SYN3: variants seen among roughly 807,000 people sequenced by gnomAD.
The protein encoded by SYN3 is synapsin III, also known as synapsin-3.
A neutral mutation model predicts 65.8 loss-of-function variants in SYN3; 35 were observed. That is an observed-to-expected ratio of 0.53 (90% CI 0.41 to 0.70). The LOEUF is 0.70. Ranked by LOEUF, SYN3 falls within the 30% of genes least tolerant of loss-of-function variation. The pLI is 0.00. For synonymous variants in SYN3, 270 were observed against 292.9 expected (o/e 0.92, Z 0.80); for missense variants, 680 against 749.0 (o/e 0.91, Z 1.08).
chr22:32,907,424 T>C (rs2049931107), intron 4 of SYN3, among the ~76,000 whole-genome samples: 1 of 152,136 alleles, frequency 6.6e-6, no homozygotes, highest in South Asian at 2.1e-4. Flanking sequence ...GAAGACTCAC[T>C]CTGTGCTAGG....
At chr22:32,576,548 C>T (rs1186751471) in intron 7 of SYN3, among the ~76,000 whole-genome samples, 1 of 152,124 alleles carries the variant, frequency 6.6e-6, no homozygotes, top group East Asian at 1.9e-4. Context: ...ATGTTAAAAC[C>T]TGAACCCATT....
intron 4 of SYN3, among the ~76,000 whole-genome samples, chr22:32,921,547 C>G (rs996955361): frequency 6.6e-6 from 1 of 152,064 alleles, no homozygotes; most frequent in African/African-American, 2.4e-5. Context: ...GACAAAGATT[C>G]GAAGACACTT....
chr22:32,842,582 A>G (rs1330248377), intron 6 of SYN3, among the ~76,000 whole-genome samples: 1 of 152,198 alleles, frequency 6.6e-6, no homozygotes, highest in Non-Finnish European at 1.5e-5. Context: ...ACCATCAGCA[A>G]TATAACAGTG....
chr22:33,020,914 T>C (rs891911876), intron 1 of SYN3, among the ~76,000 whole-genome samples: 3 of 152,204 alleles, frequency 2.0e-5, no homozygotes, highest in Non-Finnish European at 2.9e-5. Context: ...AGTTTTCTTA[T>C]CTGCAAAATG....
intron 7 of SYN3, among the ~76,000 whole-genome samples, chr22:32,559,118 T>C (rs1424317974): frequency 6.6e-6 from 1 of 152,222 alleles, no homozygotes; most frequent in Non-Finnish European, 1.5e-5. Context: ...TCCCATTTCA[T>C]ACATGAACAA....
intron 7 of SYN3, among the ~76,000 whole-genome samples, chr22:32,587,638 C>T (rs1283193394): frequency 2.6e-5 from 4 of 152,164 alleles, no homozygotes; most frequent in South Asian, 2.1e-4. Context: ...CGACCAGGCC[C>T]GGAAAGCTCA....
intron 3 of SYN3, among the ~76,000 whole-genome samples, chr22:32,942,213 C>T (rs1181152287): frequency 2.6e-5 from 4 of 152,334 alleles, no homozygotes; most frequent in African/African-American, 4.8e-5. Context: ...GGCAGACTGA[C>T]ACCTCACACG....
chr22:32,522,479 G>T (rs1016216751), intron 12 of SYN3, among the ~76,000 whole-genome samples: 7 of 152,242 alleles, frequency 4.6e-5, no homozygotes, highest in Non-Finnish European at 7.4e-5. Flanking sequence ...GGGAAAGGAG[G>T]GTGTGGGGCA....
At chr22:32,856,270 T>C (rs977032199) in intron 6 of SYN3, among the ~76,000 whole-genome samples, 1 of 139,478 alleles carries the variant, frequency 7.2e-6, no homozygotes, top group African/African-American at 2.8e-5. Flanking sequence ...GGTGCTGGGA[T>C]GTCAGACATG....
intron 6 of SYN3, among the ~76,000 whole-genome samples, chr22:32,802,587 C>A (rs2046619616): frequency 6.6e-6 from 1 of 152,068 alleles, no homozygotes; most frequent in Non-Finnish European, 1.5e-5. Context: ...GAGTCTGCAT[C>A]ATCTCCTGCG....
intron 6 of SYN3, among the ~76,000 whole-genome samples, chr22:32,752,559 G>A (rs549262127): frequency 2.6e-5 from 4 of 152,302 alleles, no homozygotes; most frequent in Non-Finnish European, 4.4e-5. Context: ...CTCCTTCTAC[G>A]ACTCACCGCA....
chr22:32,828,964 T>C (rs2047492662), intron 6 of SYN3, among the ~76,000 whole-genome samples: 1 of 152,054 alleles, frequency 6.6e-6, no homozygotes, highest in African/African-American at 2.4e-5. Context: ...CTTGGGTACA[T>C]TGGTCCTTAC....
At chr22:32,667,507 C>G (rs2060304635) in intron 6 of SYN3, among the ~76,000 whole-genome samples, 2 of 152,304 alleles carry the variant, frequency 1.3e-5, no homozygotes, top group South Asian at 4.1e-4. Context: ...AAAGTCTTGG[C>G]ACACCGTCTT....
chr22:32,643,560 G>GGGA (rs2059936083), intron 6 of SYN3, among the ~76,000 whole-genome samples: 9 of 126,526 alleles, frequency 7.1e-5, no homozygotes, highest in African/African-American at 2.8e-4. Context: ...GGGGGGGCGG[G>GGGA]GGGGGCAGAA....
chr22:32,713,502 G>A (rs1288951014), intron 6 of SYN3, among the ~76,000 whole-genome samples: 1 of 152,184 alleles, frequency 6.6e-6, no homozygotes, highest in Non-Finnish European at 1.5e-5. Context: ...TTGGTGGCCT[G>A]TGCCTCCATT....
At chr22:32,976,395 C>T (rs899359399) in intron 3 of SYN3, among the ~76,000 whole-genome samples, 15 of 152,144 alleles carry the variant, frequency 9.9e-5, no homozygotes, top group South Asian at 2.1e-4. Context: ...AAAGACTGGC[C>T]GTGGTGATTT....
chr22:32,819,332 C>A (rs938917845), intron 6 of SYN3, among the ~76,000 whole-genome samples: 3 of 152,234 alleles, frequency 2.0e-5, no homozygotes, highest in Admixed American at 1.3e-4. Flanking sequence ...GGACACGATG[C>A]CTTGCTGGTG....
intron 6 of SYN3, among the ~76,000 whole-genome samples, chr22:32,711,762 A>C (rs1162454667): frequency 1.3e-5 from 2 of 152,202 alleles, no homozygotes; most frequent in Non-Finnish European, 2.9e-5. Context: ...GATTGGCCAA[A>C]ATGGACTTCT....
intron 6 of SYN3, among the ~76,000 whole-genome samples, chr22:32,758,565 G>A (rs1446564379): frequency 6.7e-6 from 1 of 149,422 alleles, no homozygotes; most frequent in South Asian, 2.1e-4. Flanking sequence ...GCCCTCAAAC[G>A]TCGGACTCTA....
Sources: gnomAD v4.1 joint callset for allele counts (sites outside exome capture counted in the v4.1 genomes callset) on GRCh38, gnomAD v4.1.1 for gene constraint, MANE v1.5 for transcripts, NCBI Gene and HGNC (gene_info 2026-07-23, HGNC 2026-07-21) for gene names.